Variants in TPM4 observed in about 807,000 individuals in gnomAD.
The protein encoded by TPM4 is tropomyosin 4.
Under a neutral mutation model 35.8 loss-of-function variants are expected in TPM4, and 17 were observed. That is an observed-to-expected ratio of 0.47 (90% CI 0.32 to 0.71). The LOEUF (loss-of-function observed/expected upper bound fraction) is 0.71. Among genes scored for constraint, TPM4 ranks in the 30% least tolerant of loss-of-function variants. The probability of loss-of-function intolerance (pLI) is 0.03; values close to 1 mark genes in which losing one functional copy is unlikely to be tolerated. For missense variants in TPM4, 240 were observed against 320.9 expected, an observed-to-expected ratio of 0.75 and a Z score of 1.93; for synonymous variants, 120 against 122.9, an observed-to-expected ratio of 0.98 and a Z score of 0.15.
chr19:16,088,855 A>G (rs1009369028), intron 4 of TPM4, 190 bp from the exon 5 acceptor site: 19 of 1,395,540 alleles, frequency 1.4e-5, no homozygotes, highest in African/African-American at 2.9e-5. Context: ...GCCTGGTATG[A>G]TAAGCCTTTG....
chr19:16,088,205 G>C (rs1473988364), intron 4 of TPM4, 108 bp downstream of exon 4: 6 of 1,486,556 alleles, frequency 4.0e-6, no homozygotes, highest in Middle Eastern at 3.4e-4. Context: ...TGCTCAAGTG[G>C]ACGGGCGTCA....
At chr19:16,085,087 C>CA (rs1220504007) in intron 2 of TPM4, among the ~76,000 whole-genome samples, 1 of 151,680 alleles carries the variant, frequency 6.6e-6, no homozygotes, top group African/African-American at 2.4e-5. Context: ...CCCATCTCTA[C>CA]AAAAAAATAT....
Position 16,067,809 on chromosome 19 carries a change from GC to G in TPM4, c.114+74del. ...TCTGTGCGGAAGGCCGGGGTCTGGA[GC>G]CCAGTTGGGGGTCGCAGACACCTGC... On this transcript the variant is annotated intron_variant, in intron 2 of 2. Coordinates refer to the TPM4 transcript ENST00000589897. This position sits in a 1 kb window ranked among gnomAD's most constrained non-coding sequence, Gnocchi z 4.1. 1 of 1,460,834 alleles carries G rather than the reference GC, an allele frequency of 6.8e-7. No homozygotes were observed. Among genetic ancestry groups the G allele is most frequent in the Non-Finnish European group, 9.3e-7 (1 of 1,075,716 alleles). The allele number at this position is 1,460,834 out of a possible 1,614,324, so 90.5% of individuals were successfully genotyped here.
At chr19:16,076,002 G>GCCCC (rs2090399225), upstream of TPM4, 1 of 1,468,972 alleles carries the variant, frequency 6.8e-7, no homozygotes, top group African/African-American at 1.7e-5. Flanking sequence ...TCGGGGACGT[G>GCCCC]ACCCCCCCCC....
At chr19:16,088,163 C>T in intron 4 of TPM4, 66 bp downstream of exon 4, 1 of 1,560,956 alleles carries the variant, frequency 6.4e-7, no homozygotes, top group Non-Finnish European at 8.7e-7. Context: ...AAGGAGCTGG[C>T]TGTGTTGGGA....
At chr19:16,074,819 T>G (rs2090388111), upstream of TPM4, 1 of 152,342 alleles carries the variant, frequency 6.6e-6, no homozygotes, top group Admixed American at 6.5e-5. Context: ...AAGCCAGGTG[T>G]GGCGACTCAC....
chr19:16,087,072 G>A (rs1376169970), intron 3 of TPM4, among the ~76,000 whole-genome samples: 2 of 152,140 alleles, frequency 1.3e-5, no homozygotes, highest in Admixed American at 1.3e-4. Flanking sequence ...GAGGCCAGGA[G>A]TTTGAGACCA....
chr19:16,075,871 A>G (rs2090397913), upstream of TPM4: 2 of 918,340 alleles, frequency 2.2e-6, no homozygotes, highest in Non-Finnish European at 1.6e-6. Flanking sequence ...AAATCCCACT[A>G]TCAGGTAGCA....
upstream of TPM4, chr19:16,074,151 T>C (rs2090382707): frequency 6.6e-6 from 1 of 151,974 alleles, no homozygotes; most frequent in Non-Finnish European, 1.5e-5. Context: ...CAGCAGCTTT[T>C]TTAACATACC....
chr19:16,076,817 C>A lies in TPM4; in HGVS notation c.132+120C>A, dbSNP rs533190770. The A allele has an allele frequency of 1.9e-4, 240 of 1,260,708 alleles. 1 individual carries two copies. In the African/African-American group the frequency reaches 3.5e-3, roughly 18 times the overall value. The allele number at this position is 1,260,708 out of a possible 1,614,324, so 78.1% of individuals were successfully genotyped here. On this transcript the variant is annotated intron_variant, in intron 1 of 7. Transcript: ENST00000643579. ...TCCTCGGGCCGCCTTTTTACGCCCTCGGACGCCGATCGCCGACCCACATCC... is the reference window on the plus strand; with the variant it reads ...TCCTCGGGCCGCCTTTTTACGCCCTAGGACGCCGATCGCCGACCCACATCC...
chr19:16,091,947 C>T (rs2090631966), intron 5 of TPM4, among the ~76,000 whole-genome samples: 1 of 151,970 alleles, frequency 6.6e-6, no homozygotes, highest in Non-Finnish European at 1.5e-5. Flanking sequence ...AGGCGGATCA[C>T]CTGAGGTCAG....
intron 5 of TPM4, among the ~76,000 whole-genome samples, chr19:16,092,820 G>A (rs887102826): frequency 6.6e-6 from 1 of 152,154 alleles, no homozygotes; most frequent in African/African-American, 2.4e-5. Flanking sequence ...ACAGGCGTGA[G>A]CCACCGTGCC....
intron 2 of TPM4, among the ~76,000 whole-genome samples, chr19:16,083,593 T>C (rs982026463): frequency 2.7e-5 from 4 of 149,146 alleles, no homozygotes; most frequent in African/African-American, 1.0e-4. Context: ...GATTGTGTAA[T>C]TCACAGAAGC....
chr19:16,076,350 C>T, upstream of TPM4: 2 of 1,463,956 alleles, frequency 1.4e-6, no homozygotes, highest in Non-Finnish European at 1.8e-6. Context: ...GCCAGCGGTG[C>T]CGACGTCAGG....
intron 1 of TPM4, among the ~76,000 whole-genome samples, chr19:16,079,228 A>G (rs2090451447): frequency 6.6e-6 from 1 of 152,230 alleles, no homozygotes; most frequent in African/African-American, 2.4e-5. Flanking sequence ...AAGACAACTC[A>G]TGAATCAAGC....
At chr19:16,076,446 C>T, upstream of TPM4, 4 of 1,338,590 alleles carry the variant, frequency 3.0e-6, no homozygotes, top group Non-Finnish European at 2.8e-6. Context: ...CGGGGAGAGG[C>T]GGGGGCGGCC....
At chr19:16,098,441 C>T (rs1004421147) in intron 7 of TPM4, among the ~76,000 whole-genome samples, 4 of 149,936 alleles carry the variant, frequency 2.7e-5, no homozygotes, top group African/African-American at 4.9e-5. Flanking sequence ...AGTGAGACTC[C>T]GCCTCAAAAA....
At chr19:16,089,545 C>T (rs1358343642) in intron 5 of TPM4, among the ~76,000 whole-genome samples, 2 of 152,142 alleles carry the variant, frequency 1.3e-5, no homozygotes, top group Non-Finnish European at 2.9e-5. Context: ...GCAGCTACGT[C>T]GGGAACAAAG....
intron 7 of TPM4, among the ~76,000 whole-genome samples, chr19:16,098,750 G>C (rs1039688948): frequency 5.3e-5 from 8 of 151,770 alleles, no homozygotes; most frequent in African/African-American, 1.9e-4. Flanking sequence ...AGACCAATCT[G>C]GGCAATATGG....
Sources: gnomAD v4.1 joint callset for allele counts (sites outside exome capture counted in the v4.1 genomes callset) on GRCh38, gnomAD v4.1.1 for gene constraint, Gnocchi (gnomAD v3.1) non-coding constraint, MANE v1.5 for transcripts, NCBI Gene and HGNC (gene_info 2026-07-23, HGNC 2026-07-21) for gene names.